The following MYO16 variants were observed in gnomAD, a reference collection of about 807,000 sequenced individuals.
MYO16 encodes myosin XVI.
A neutral mutation model predicts 205.3 loss-of-function variants in MYO16; 94 were observed. The ratio of observed to expected loss-of-function variants is 0.46; its 90% CI spans 0.39 to 0.54. The LOEUF (loss-of-function observed/expected upper bound fraction) is 0.54, where lower values mean the gene tolerates loss of function less well. MYO16 is among the 20% of genes least tolerant of loss of function. The pLI is 0.00. For synonymous variants in MYO16, 988 were observed against 954.0 expected (o/e 1.04, Z -0.66); for missense variants, 2,315 against 2,387.5 (o/e 0.97, Z 0.63).
intron 4 of MYO16, among the ~76,000 whole-genome samples, chr13:108,771,197 G>A (rs935469478): frequency 6.6e-6 from 1 of 152,152 alleles, no homozygotes; most frequent in Non-Finnish European, 1.5e-5. Flanking sequence ...ATATACACGG[G>A]GGGAGAGGGT....
chr13:108,574,192 A>G, the MYO16 span, among the ~76,000 whole-genome samples: 2 of 152,154 alleles, frequency 1.3e-5, no homozygotes, highest in Non-Finnish European at 2.9e-5. Context: ...TGTCCTGAAT[A>G]CATCAACAGC....
the MYO16 span, among the ~76,000 whole-genome samples, chr13:108,529,011 T>A: frequency 1.3e-4 from 19 of 151,880 alleles, no homozygotes; most frequent in African/African-American, 4.4e-4. Context: ...CCCTTTCATC[T>A]CTCTCTTTAC....
chr13:108,899,250 C>T (rs1880590902), intron 15 of MYO16, among the ~76,000 whole-genome samples: 1 of 151,876 alleles, frequency 6.6e-6, no homozygotes, highest in Non-Finnish European at 1.5e-5. Flanking sequence ...ATGGAGAAAC[C>T]CCGTCTCTAC....
chr13:108,916,175 C>A (rs890265794), intron 16 of MYO16, among the ~76,000 whole-genome samples: 17 of 152,188 alleles, frequency 1.1e-4, no homozygotes, highest in Non-Finnish European at 1.8e-4. Context: ...TTCTCACAGA[C>A]TCCATTATTA....
intron 2 of MYO16, among the ~76,000 whole-genome samples, chr13:108,699,100 A>C (rs575342165): frequency 0.025 from 3,488 of 141,748 alleles, 45 homozygotes; most frequent in African/African-American, 0.038. Context: ...CTCTCTCTAT[A>C]TATATATATA....
At chr13:109,022,405 G>GTA (rs140061981) in intron 23 of MYO16, among the ~76,000 whole-genome samples, 108,269 of 112,058 alleles carry the variant, frequency 0.97, 52,401 homozygotes, top group East Asian at 1. Flanking sequence ...ATGTATATAT[G>GTA]TATATATTGT....
intron 29 of MYO16, among the ~76,000 whole-genome samples, chr13:109,121,207 G>T (rs905494422): frequency 2.6e-5 from 4 of 152,170 alleles, no homozygotes; most frequent in Non-Finnish European, 4.4e-5. Context: ...CTTCTTGGCT[G>T]TTCCAGGCCT....
At chr13:109,040,604 GA>G (rs575980499) in intron 23 of MYO16, among the ~76,000 whole-genome samples, 73 of 151,612 alleles carry the variant, frequency 4.8e-4, no homozygotes, top group African/African-American at 1.7e-3. Context: ...GGTCAAAGAA[GA>G]AAAAAATACA....
rs146163291 is a variant in MYO16 at position 109,078,024 on chromosome 13, A to G, written c.3335+22429A>G. On this transcript the variant is annotated intron_variant, in intron 27 of 34. Transcript: ENST00000457511. ...CTATTACTATCTCTTCAGGTCCACTAATCTTTTCTTCTGCAGTGTTTAATC... is the reference window on the plus strand; with the variant it reads ...CTATTACTATCTCTTCAGGTCCACTGATCTTTTCTTCTGCAGTGTTTAATC... 1.4e-3 allele frequency among the ~76,000 whole-genome samples: 206 copies of G among 152,232 alleles called. 1 individual carries two copies. The East Asian group carries it at 0.037, about 27-fold the overall frequency.
intron 2 of MYO16, among the ~76,000 whole-genome samples, chr13:108,683,113 C>T (rs556024981): frequency 6.6e-6 from 1 of 152,248 alleles, no homozygotes; most frequent in South Asian, 2.1e-4. Context: ...CAGAAATCTC[C>T]CCTGGTTTCC....
At chr13:108,938,095 T>G (rs921584869) in intron 16 of MYO16, among the ~76,000 whole-genome samples, 4 of 152,174 alleles carry the variant, frequency 2.6e-5, no homozygotes, top group African/African-American at 9.7e-5. Flanking sequence ...ATTATTATTA[T>G]TATTGTGTTT....
At chr13:108,770,693 C>T (rs1885932503) in intron 4 of MYO16, among the ~76,000 whole-genome samples, 2 of 152,320 alleles carry the variant, frequency 1.3e-5, no homozygotes, top group Admixed American at 6.5e-5. Flanking sequence ...ATTTCCTAAG[C>T]ACCCAAAGGA....
intron 23 of MYO16, among the ~76,000 whole-genome samples, chr13:109,039,743 A>G (rs1272918250): frequency 6.6e-6 from 1 of 152,170 alleles, no homozygotes; most frequent in Non-Finnish European, 1.5e-5. Context: ...TACGTTAGAA[A>G]ATAGGGAAAA....
At chr13:109,136,199 T>C (rs528362721) in intron 31 of MYO16, among the ~76,000 whole-genome samples, 76 of 152,146 alleles carry the variant, frequency 5.0e-4, no homozygotes, top group African/African-American at 1.8e-3. Flanking sequence ...GATCAAGTGA[T>C]TCTCCTGCCT....
intron 4 of MYO16, among the ~76,000 whole-genome samples, chr13:108,762,219 C>T (rs1037637839): frequency 7.2e-5 from 11 of 152,026 alleles, no homozygotes; most frequent in African/African-American, 2.7e-4. Context: ...CTATAAATAC[C>T]ACATTTTCTT....
At chr13:108,554,499 A>T in the MYO16 span, among the ~76,000 whole-genome samples, 1 of 152,146 alleles carries the variant, frequency 6.6e-6, no homozygotes, top group African/African-American at 2.4e-5. Context: ...AGAAGTTTTG[A>T]TGTTTGCCTG....
chr13:108,571,100 T>C, the MYO16 span, among the ~76,000 whole-genome samples: 41 of 152,250 alleles, frequency 2.7e-4, no homozygotes, highest in Non-Finnish European at 5.3e-4. Flanking sequence ...AAAAAAAAGA[T>C]AGCAGAAGTC....
chr13:109,116,289 A>G (rs1001111893), intron 28 of MYO16, among the ~76,000 whole-genome samples: 1 of 152,044 alleles, frequency 6.6e-6, no homozygotes, highest in East Asian at 1.9e-4. Flanking sequence ...AGCCCCTCAT[A>G]CCTTACAAAG....
intron 2 of MYO16, among the ~76,000 whole-genome samples, chr13:108,669,307 T>C (rs1298891806): frequency 6.6e-6 from 1 of 151,986 alleles, no homozygotes; most frequent in Non-Finnish European, 1.5e-5. Context: ...GAACTGACCA[T>C]TGCATTTAGG....
Sources: allele counts gnomAD v4.1 joint callset (sites outside exome capture counted in the v4.1 genomes callset), GRCh38; gene constraint gnomAD v4.1.1; transcripts MANE v1.5; gene names NCBI Gene and HGNC (gene_info 2026-07-23, HGNC 2026-07-21).